GAB3: variants seen among roughly 807,000 people sequenced by gnomAD.
The protein encoded by GAB3 is GRB2-associated-binding protein 3.
GAB3 carries 12 observed loss-of-function variants against 40.4 expected under a neutral mutation model. That is an observed-to-expected ratio of 0.30 (90% CI 0.19 to 0.48). The LOEUF (loss-of-function observed/expected upper bound fraction) is 0.48, where lower values mean the gene tolerates loss of function less well. Among genes scored for constraint, GAB3 ranks in the 20% least tolerant of loss-of-function variants. GAB3 has a pLI of 0.99. For synonymous variants in GAB3, 154 were observed against 176.7 expected, an observed-to-expected ratio of 0.87 and a Z score of 1.02; for missense variants, 381 against 461.9, an observed-to-expected ratio of 0.82 and a Z score of 1.61.
In GAB3 at chrX:154,676,335, C is replaced by T. The variant is rs1253274383; in HGVS notation, c.*1843G>A. 9.0e-6 allele frequency: 1 copy of T among 111,392 alleles called. No individual in the cohort carries two copies. Among genetic ancestry groups the T allele is most frequent in the African/African-American group, 3.3e-5 (1 of 30,572 alleles). The allele number at this position is 111,392 out of a possible 1,213,427, so 9.2% of individuals were successfully genotyped here. On this transcript the variant is annotated 3_prime_UTR_variant, in exon 10 of 10. Coordinates refer to ENST00000424127, the MANE Select transcript of GAB3 (RefSeq NM_001081573.3). The stretch of plus-strand genomic sequence containing the variant: ...ACAAGTGCTCCACACGAGGGAACTA[C>T]CCTCCATGGGAACTAGCAGTTTGAA...
At chrX:154,747,016 AT>A (rs782295657) in intron 1 of GAB3, among the ~76,000 whole-genome samples, 12 of 111,385 alleles carry the variant, frequency 1.1e-4, no homozygotes, top group Non-Finnish European at 2.1e-4. Context: ...TGGTAAATGG[AT>A]TTTTTTTTAG....
In GAB3 at chrX:154,678,170, C is replaced by G; in HGVS notation, c.*8G>C. On this transcript the variant is annotated 3_prime_UTR_variant, in exon 10 of 10. Transcript: ENST00000424127. The stretch of plus-strand genomic sequence containing the variant: ...CCCTGTTTCACACATGGCACAAGCC[C>G]GCACCTCTCATACTTTGGATTGCCT... 1 of 1,035,489 alleles carries G rather than the reference C, an allele frequency of 9.7e-7. No homozygotes were observed. The highest frequency in any genetic ancestry group is 1.3e-6 in the Non-Finnish European group (1 of 741,172). 85.3% of individuals were successfully genotyped at this position (1,035,489 alleles called of 1,213,427 possible).
chrX:154,722,502 G>A (rs2071149477), intron 1 of GAB3, among the ~76,000 whole-genome samples: 1 of 111,898 alleles, frequency 8.9e-6, no homozygotes, highest in Admixed American at 9.5e-5. Flanking sequence ...GAGATTGTAT[G>A]TTAATTTCCT....
chrX:154,712,925 G>C (rs2070977707), intron 3 of GAB3, among the ~76,000 whole-genome samples: 1 of 112,195 alleles, frequency 8.9e-6, no homozygotes, highest in Non-Finnish European at 1.9e-5. Context: ...AAAATGCAAG[G>C]CTAGAAGTGA....
rs370455787 is a variant in GAB3, at chrX:154,694,062, A to T, written c.1530+1855T>A. Among the ~76,000 whole-genome samples the T allele has an allele frequency of 7.5e-4, 84 of 111,942 alleles. No homozygotes were observed. The East Asian group carries it at 0.021, about 28-fold the overall frequency. ...AAAAAAAAAATTAACATATATACTT[A>T]TGCACAAAATCAAAGTCAAATCATA... is the stretch of plus-strand genomic sequence containing the variant. On this transcript the variant is annotated intron_variant, in intron 8 of 9. Coordinates refer to ENST00000424127, the MANE Select transcript of GAB3 (RefSeq NM_001081573.3).
At chrX:154,715,037 G>T (rs1557257320) in intron 2 of GAB3, among the ~76,000 whole-genome samples, 1 of 112,264 alleles carries the variant, frequency 8.9e-6, no homozygotes, top group African/African-American at 3.2e-5. Flanking sequence ...TGCTTCCCTG[G>T]TTCATGAAAC....
At chrX:154,700,608 G>A (rs1451283276) in intron 4 of GAB3, among the ~76,000 whole-genome samples, 4 of 111,963 alleles carry the variant, frequency 3.6e-5, no homozygotes, top group Non-Finnish European at 7.5e-5. Flanking sequence ...GGTTGCAAGT[G>A]TTGAGAAAAA....
intron 1 of GAB3, among the ~76,000 whole-genome samples, chrX:154,737,649 T>C (rs1164586258): frequency 8.9e-6 from 1 of 111,952 alleles, no homozygotes; most frequent in African/African-American, 3.3e-5. Context: ...GGGTCTTTTC[T>C]CCCATGCTCT....
intron 1 of GAB3, among the ~76,000 whole-genome samples, chrX:154,724,084 C>T (rs782616083): frequency 3.6e-5 from 4 of 111,839 alleles, no homozygotes; most frequent in African/African-American, 9.8e-5. Flanking sequence ...CGGTGGCTCA[C>T]GCCTGTTATC....
intron 6 of GAB3, among the ~76,000 whole-genome samples, 187 bp downstream of exon 6, chrX:154,699,107 A>C (rs1348399818): frequency 9.0e-6 from 1 of 111,090 alleles, no homozygotes; most frequent in African/African-American, 3.3e-5. Flanking sequence ...TCCTATTATC[A>C]TGACAATCTG....
intron 1 of GAB3, among the ~76,000 whole-genome samples, chrX:154,739,655 A>G (rs1427931853): frequency 8.9e-5 from 10 of 112,458 alleles, no homozygotes; most frequent in African/African-American, 3.2e-4. Flanking sequence ...AAAAAATTAA[A>G]AAATGGTTAT....
chrX:154,699,618 G>T (rs954144967), intron 5 of GAB3, 105 bp from the exon 6 acceptor site: 1 of 642,922 alleles, frequency 1.6e-6, no homozygotes, highest in Non-Finnish European at 2.3e-6. Context: ...AATTATCCAA[G>T]TATAACTCTG....
intron 4 of GAB3, among the ~76,000 whole-genome samples, chrX:154,701,181 T>C (rs2070735310): frequency 9.0e-6 from 1 of 111,646 alleles, no homozygotes; most frequent in Admixed American, 9.5e-5. Context: ...AAGCCAATAA[T>C]ATAACCTATT....
chrX:154,745,998 G>C (rs1484940112), intron 1 of GAB3, among the ~76,000 whole-genome samples: 1 of 103,400 alleles, frequency 9.7e-6, no homozygotes, highest in African/African-American at 3.6e-5. Context: ...GTTGCAGCGA[G>C]CCAAGATCGT....
chrX:154,720,606 G>C (rs946332482), intron 1 of GAB3, among the ~76,000 whole-genome samples: 1 of 82,817 alleles, frequency 1.2e-5, no homozygotes, highest in Non-Finnish European at 2.2e-5. Context: ...CAGCCTGGGC[G>C]ACAGAGCGAG....
chrX:154,726,016 A>G, intron 1 of GAB3, among the ~76,000 whole-genome samples: 1 of 111,890 alleles, frequency 8.9e-6, no homozygotes, highest in South Asian at 3.7e-4. Context: ...AAAAGCAGAC[A>G]CTCAACAATA....
chrX:154,686,075 C>G (rs2070444752), intron 8 of GAB3, among the ~76,000 whole-genome samples: 1 of 111,407 alleles, frequency 9.0e-6, no homozygotes, highest in Admixed American at 9.5e-5. Context: ...ATAAACAAAA[C>G]TAATTCTACA....
rs782605955 is a variant in GAB3, at chrX:154,678,144, T to C, written c.*34A>G. 3.5e-5 allele frequency: 27 copies of C among 763,031 alleles called. No individual in the cohort carries two copies. In the South Asian group the frequency reaches 6.0e-4, roughly 17 times the overall value. The allele number at this position is 763,031 out of a possible 1,213,427, so 62.9% of individuals were successfully genotyped here. On this transcript the variant is annotated 3_prime_UTR_variant, in exon 10 of 10. Transcript: ENST00000424127. ...AAAAACTCAAACTGAGCCCCAAGCT[T>C]CCCTGTTTCACACATGGCACAAGCC...
chrX:154,744,168 C>T (rs1340393040), intron 1 of GAB3, among the ~76,000 whole-genome samples: 44 of 86,696 alleles, frequency 5.1e-4, no homozygotes, highest in East Asian at 9.0e-4. Context: ...GAGCCGAGAT[C>T]GTGCCACTGC....
Sources: gnomAD v4.1 joint callset for allele counts (sites outside exome capture counted in the v4.1 genomes callset) on GRCh38, gnomAD v4.1.1 for gene constraint, MANE v1.5 for transcripts, NCBI Gene and HGNC (gene_info 2026-07-23, HGNC 2026-07-21) for gene names.